FXYD7: variants seen among roughly 807,000 people sequenced by gnomAD.
FXYD7 encodes FXYD domain containing ion transport regulator 7.
Under a neutral mutation model 15.3 loss-of-function variants are expected in FXYD7, and 7 were observed. The ratio of observed to expected loss-of-function variants is 0.46; its 90% confidence interval spans 0.26 to 0.86. The LOEUF is 0.86. Ranked by LOEUF, FXYD7 falls within the 40% of genes least tolerant of loss-of-function variation. FXYD7 has a pLI of 0.16. For synonymous variants in FXYD7, 39 were observed against 39.3 expected, an observed-to-expected ratio of 0.99 and a Z score of 0.03; for missense variants, 78 against 100.6, an observed-to-expected ratio of 0.78 and a Z score of 0.96.
chr19:35,152,485 G>C (rs2065314964), intron 5 of FXYD7, among the ~76,000 whole-genome samples: 1 of 152,164 alleles, frequency 6.6e-6, no homozygotes. Context: ...GACAGAGGGA[G>C]GGAGGGAAGG....
chr19:35,146,839 G>C (rs1479735146), intron 1 of FXYD7, among the ~76,000 whole-genome samples: 1 of 152,200 alleles, frequency 6.6e-6, no homozygotes, highest in Non-Finnish European at 1.5e-5. Flanking sequence ...TTGAAGACTA[G>C]ACAGAGACCT....
At chr19:35,148,805 GTGGCCACACGATACGTGCTGGGCCAC>G in intron 2 of FXYD7, 82 bp downstream of exon 2, 2 of 1,228,860 alleles carry the variant, frequency 1.6e-6, no homozygotes. Flanking sequence ...GGCTTCAGCT[GTGGCCACACGATACGTGCTGGGCCAC>G]TGGCCACGGG....
In FXYD7 at chr19:35,143,725, G is replaced by T. The variant is rs1037825935; in HGVS notation, c.31+361G>T. On this transcript the variant is annotated intron_variant, in intron 1 of 5. Transcript: ENST00000270310. The surrounding 1 kb of genome is among the most constrained non-coding windows in gnomAD (Gnocchi z 4.3). Reference sequence around the variant, plus strand: ...AGCGGGTGGGTCTGCGACCAGAGACGTTCTGGAAGATTTCAGGGTCCCTGG... The same window carrying T: ...AGCGGGTGGGTCTGCGACCAGAGACTTTCTGGAAGATTTCAGGGTCCCTGG... Among the ~76,000 whole-genome samples the T allele has an allele frequency of 2.0e-5, 3 of 152,194 alleles. No individual in the cohort carries two copies. The highest frequency in any genetic ancestry group is 2.9e-5 in the Non-Finnish European group (2 of 68,024).
intron 1 of FXYD7, among the ~76,000 whole-genome samples, 170 bp from the exon 2 acceptor site, chr19:35,148,524 C>G (rs1330698101): frequency 1.3e-5 from 2 of 152,212 alleles, no homozygotes; most frequent in Admixed American, 6.5e-5. Context: ...CTATGCTCTT[C>G]CAGCCTTGCG....
intron 5 of FXYD7, 91 bp from the exon 6 acceptor site, chr19:35,153,803 C>T: frequency 6.5e-6 from 8 of 1,235,254 alleles, no homozygotes; most frequent in Non-Finnish European, 9.5e-6. Context: ...GGTCTGGCTT[C>T]CATGGTGCCG....
chr19:35,150,709 G>A (rs2065306611), intron 2 of FXYD7, among the ~76,000 whole-genome samples: 2 of 152,174 alleles, frequency 1.3e-5, no homozygotes, highest in African/African-American at 4.8e-5. Context: ...GATTGATGGG[G>A]AGAGTGAGGT....
chr19:35,150,832 G>A (rs548855204), intron 2 of FXYD7, among the ~76,000 whole-genome samples: 52 of 152,084 alleles, frequency 3.4e-4, no homozygotes, highest in Non-Finnish European at 5.9e-4. Context: ...TCTGAGCAGA[G>A]GAGAAACCAG....
At chr19:35,152,134 C>CGAAAAAAAAAAAAAAAAA (rs2065313000) in intron 5 of FXYD7, among the ~76,000 whole-genome samples, 1 of 45,138 alleles carries the variant, frequency 2.2e-5, no homozygotes, top group Non-Finnish European at 3.9e-5. Context: ...GTGAGACTGT[C>CGAAAAAAAAAAAAAAAAA]AAAAAAAAAA....
At chr19:35,152,104 A>G (rs1365704888) in intron 5 of FXYD7, among the ~76,000 whole-genome samples, 1 of 134,836 alleles carries the variant, frequency 7.4e-6, no homozygotes, top group African/African-American at 2.9e-5. Context: ...GTGCCACTCC[A>G]CTCCAGCCTG....
At chr19:35,150,231 C>T (rs1432688216) in intron 2 of FXYD7, among the ~76,000 whole-genome samples, 1 of 152,056 alleles carries the variant, frequency 6.6e-6, no homozygotes, top group East Asian at 1.9e-4. Flanking sequence ...CCCAGCTCTA[C>T]ATAAAAAATT....
rs564593378 is a variant in FXYD7 at position 35,151,366 on chromosome 19, C to T, written c.136+38C>T. 1.3e-5 allele frequency: 20 copies of T among 1,596,808 alleles called. 1 individual carries two copies. In the South Asian group the frequency reaches 2.2e-4, roughly 18 times the overall value. On this transcript the variant is annotated intron_variant, in intron 3 of 5. Coordinates refer to ENST00000270310, the MANE Select transcript of FXYD7 (RefSeq NM_022006.2). The stretch of plus-strand genomic sequence containing the variant: ...CATTCCTGGGCTGCCTCAGCCTCCG[C>T]TTCCTCTGCTGGCTTTCATCCATAT...
chr19:35,148,080 A>AAAGAAAGG (rs2065296671), intron 1 of FXYD7, among the ~76,000 whole-genome samples: 1 of 148,074 alleles, frequency 6.8e-6, no homozygotes, highest in Admixed American at 6.7e-5. Flanking sequence ...AGAAAGAAAG[A>AAAGAAAGG]AAGAAAGAAA....
chr19:35,151,715 G>T (rs774604982), intron 5 of FXYD7, 42 bp downstream of exon 5: 1 of 1,523,126 alleles, frequency 6.6e-7, no homozygotes, highest in Non-Finnish European at 9.1e-7. Flanking sequence ...AGTTTTAGGT[G>T]GGGCAGGGAA....
intron 2 of FXYD7, among the ~76,000 whole-genome samples, chr19:35,150,719 T>G (rs2065306638): frequency 6.6e-6 from 1 of 150,846 alleles, no homozygotes; most frequent in Non-Finnish European, 1.5e-5. Context: ...GAGAGTGAGG[T>G]GGGGTGAGGT....
chr19:35,147,086 A>C (rs1320765303), intron 1 of FXYD7, among the ~76,000 whole-genome samples: 1 of 152,204 alleles, frequency 6.6e-6, no homozygotes, highest in African/African-American at 2.4e-5. Flanking sequence ...ACCAAAGAAA[A>C]CTAGAGCAGT....
intron 1 of FXYD7, among the ~76,000 whole-genome samples, chr19:35,148,033 AAGAAAGAAAGAAAGAAAG>A (rs1407283177): frequency 2.6e-4 from 9 of 34,074 alleles, no homozygotes; most frequent in African/African-American, 1.0e-3. Flanking sequence ...GAAGGAAAGA[AAGAAAGAAAGAAAGAAAG>A]AAAGAAAGAA....
rs1555737607 is a variant in FXYD7, at chr19:35,153,033, C to CTTTGTTTTTTTTTTTTTTTTTTTTTTTTT, written c.221-858_221-857insGTTTTTTTTTTTTTTTTTTTTTTTTTTTT. Reference sequence around the variant, plus strand: ...TTGGTGTGGAATTTGTTTCACGTTCCTTTTTTTTTTTTTTTTTTTTTTTTT... The same window carrying CTTTGTTTTTTTTTTTTTTTTTTTTTTTTT: ...TTGGTGTGGAATTTGTTTCACGTTCCTTTGTTTTTTTTTTTTTTTTTTTTTTTTTTTTTTTTTTTTTTTTTTTTTTTTTT... On this transcript the variant is annotated intron_variant, in intron 5 of 5. Coordinates refer to ENST00000270310, the MANE Select transcript of FXYD7 (RefSeq NM_022006.2). Among the ~76,000 whole-genome samples the CTTTGTTTTTTTTTTTTTTTTTTTTTTTTT allele has an allele frequency of 1.1e-3, 50 of 44,138 alleles. 12 individuals carry two copies. The highest frequency in any genetic ancestry group is 3.0e-3 in the East Asian group (4 of 1,346). The allele number at this position is 44,138 out of a possible 152,430, so 29.0% of individuals were successfully genotyped here. A position where few individuals can be genotyped will look rare whatever the true frequency, so the allele number is the denominator to read the frequency against.
At position 35,153,927 on chromosome 19, in the gene FXYD7, A is replaced by C; in HGVS notation, c.*11A>C. On this transcript the variant is annotated 3_prime_UTR_variant, in exon 6 of 6. Transcript: ENST00000270310. ...GGCGGCGGCGTGTAACACCTTCCCGAGGAAACTCCGCTGCCGACCCTGCCT... is the reference window on the plus strand; with the variant it reads ...GGCGGCGGCGTGTAACACCTTCCCGCGGAAACTCCGCTGCCGACCCTGCCT... 1 of 1,611,248 alleles carries C rather than the reference A, an allele frequency of 6.2e-7. No homozygotes were observed.
In FXYD7 at chr19:35,153,881, C is replaced by G. The variant is rs781071858; in HGVS notation, c.221-13C>G. The G allele has an allele frequency of 6.2e-7, 1 of 1,612,726 alleles. No individual in the cohort carries two copies. The highest frequency in any genetic ancestry group is 8.5e-7 in the Non-Finnish European group (1 of 1,179,066). On this transcript the variant is annotated splice_polypyrimidine_tract_variant and intron_variant, in intron 5 of 5. Coordinates refer to ENST00000270310, the MANE Select transcript of FXYD7 (RefSeq NM_022006.2). ...CACCTTTCTAGTGGCTCACGCACCC[C>G]CTCTCTCCCCAGCCCCTGGTGGCGG...
Sources: gnomAD v4.1 joint callset for allele counts (sites outside exome capture counted in the v4.1 genomes callset) on GRCh38, gnomAD v4.1.1 for gene constraint, Gnocchi (gnomAD v3.1) non-coding constraint, MANE v1.5 for transcripts, NCBI Gene and HGNC (gene_info 2026-07-23, HGNC 2026-07-21) for gene names.